AGBL4: variants seen among roughly 807,000 people sequenced by gnomAD.
The protein encoded by AGBL4 is cytosolic carboxypeptidase 6.
A neutral mutation model predicts 66.4 loss-of-function variants in AGBL4; 58 were observed. The ratio of observed to expected loss-of-function variants is 0.87; its 90% CI spans 0.71 to 1.09. AGBL4 has a LOEUF of 1.09. AGBL4 is among the 50% of genes least tolerant of loss of function. AGBL4 has a pLI of 0.00. For synonymous variants in AGBL4, 234 were observed against 222.9 expected (o/e 1.05, Z -0.44); for missense variants, 579 against 631.0 (o/e 0.92, Z 0.88).
At chr1:49,925,049 C>CA (rs1241479925) in intron 1 of AGBL4, among the ~76,000 whole-genome samples, 2 of 152,208 alleles carry the variant, frequency 1.3e-5, no homozygotes, top group African/African-American at 4.8e-5. Flanking sequence ...AGTGAAACAC[C>CA]AGCGAGGTGG....
intron 4 of AGBL4, among the ~76,000 whole-genome samples, chr1:49,163,637 T>C (rs1293564496): frequency 2.6e-5 from 4 of 152,192 alleles, no homozygotes; most frequent in Non-Finnish European, 4.4e-5. Flanking sequence ...TAAACGTCTG[T>C]TGATGTATGA....
intron 3 of AGBL4, among the ~76,000 whole-genome samples, chr1:49,659,136 C>T (rs1233496132): frequency 6.6e-6 from 1 of 152,046 alleles, no homozygotes; most frequent in East Asian, 1.9e-4. Context: ...CACCACTAGG[C>T]CTGCCTTGCA....
chr1:48,738,461 C>T (rs1345252729), intron 6 of AGBL4, among the ~76,000 whole-genome samples: 2 of 152,206 alleles, frequency 1.3e-5, no homozygotes, highest in Non-Finnish European at 2.9e-5. Context: ...GGCCTTTTCT[C>T]CGCAGTTCGA....
intron 3 of AGBL4, among the ~76,000 whole-genome samples, chr1:49,695,754 A>G (rs926856461): frequency 1.3e-5 from 2 of 152,160 alleles, no homozygotes; most frequent in Admixed American, 6.6e-5. Context: ...ACTCTTCCCT[A>G]GATTTGATTC....
At chr1:49,096,266 T>G (rs1645099957) in intron 4 of AGBL4, among the ~76,000 whole-genome samples, 1 of 152,124 alleles carries the variant, frequency 6.6e-6, no homozygotes, top group African/African-American at 2.4e-5. Context: ...TCAACCATTG[T>G]GGAAGTCAGT....
chr1:50,011,364 T>C (rs759217736), intron 1 of AGBL4, among the ~76,000 whole-genome samples: 3 of 152,178 alleles, frequency 2.0e-5, no homozygotes, highest in Admixed American at 6.5e-5. Flanking sequence ...AAATGTCTTA[T>C]GTCAAAGACA....
chr1:49,993,863 T>C (rs1159634885), intron 1 of AGBL4, among the ~76,000 whole-genome samples: 1 of 152,314 alleles, frequency 6.6e-6, no homozygotes, highest in East Asian at 1.9e-4. Flanking sequence ...TGTAAACTCC[T>C]GGGATTTTTA....
chr1:48,775,149 C>T (rs1233658667), intron 6 of AGBL4, among the ~76,000 whole-genome samples: 1 of 152,188 alleles, frequency 6.6e-6, no homozygotes, highest in African/African-American at 2.4e-5. Flanking sequence ...GCTTCCCCTC[C>T]CTCAGTTTCT....
chr1:49,119,905 A>T (rs575477627), intron 4 of AGBL4, among the ~76,000 whole-genome samples: 1 of 152,222 alleles, frequency 6.6e-6, no homozygotes, highest in South Asian at 2.1e-4. Flanking sequence ...AGCTCTTCTT[A>T]TTGAATTGAT....
intron 3 of AGBL4, among the ~76,000 whole-genome samples, chr1:49,350,690 T>C (rs546336524): frequency 3.3e-5 from 5 of 152,194 alleles, no homozygotes; most frequent in East Asian, 1.9e-4. Context: ...TTCTGAGATT[T>C]TGATGCACCC....
intron 3 of AGBL4, among the ~76,000 whole-genome samples, chr1:49,568,487 T>TCACACACACACACACACACA (rs71059555): frequency 1.7e-4 from 22 of 131,280 alleles, no homozygotes; most frequent in Non-Finnish European, 1.6e-4. Flanking sequence ...AAATAAGTGA[T>TCACACACACACACACACACA]CACACACACA....
At chr1:49,580,362 A>G (rs1365585726) in intron 3 of AGBL4, among the ~76,000 whole-genome samples, 2 of 152,166 alleles carry the variant, frequency 1.3e-5, no homozygotes, top group African/African-American at 4.8e-5. Flanking sequence ...TGTTGTTAAT[A>G]GTTTACTAGT....
At chr1:49,341,962 C>T (rs1645547973) in intron 3 of AGBL4, among the ~76,000 whole-genome samples, 1 of 152,094 alleles carries the variant, frequency 6.6e-6, no homozygotes, top group Non-Finnish European at 1.5e-5. Flanking sequence ...AATAGACATC[C>T]ATGGGGGACA....
intron 3 of AGBL4, among the ~76,000 whole-genome samples, chr1:49,452,015 A>G (rs1646288019): frequency 6.6e-6 from 1 of 151,924 alleles, no homozygotes; most frequent in Admixed American, 6.6e-5. Context: ...CTTTTGCCCA[A>G]TACTAAACCT....
chr1:48,961,508 T>G (rs1482541530), intron 5 of AGBL4, among the ~76,000 whole-genome samples: 1 of 152,036 alleles, frequency 6.6e-6, no homozygotes, highest in East Asian at 1.9e-4. Flanking sequence ...GGGAAAACTG[T>G]GTGTTGGCGC....
chr1:49,001,744 T>C (rs1661410105), intron 5 of AGBL4, among the ~76,000 whole-genome samples: 1 of 152,210 alleles, frequency 6.6e-6, no homozygotes, highest in Non-Finnish European at 1.5e-5. Flanking sequence ...ACAGAGAAAG[T>C]TCTTAAATTT....
chr1:49,166,957 G>A (rs1380149687), intron 4 of AGBL4, among the ~76,000 whole-genome samples: 1 of 152,028 alleles, frequency 6.6e-6, no homozygotes, highest in African/African-American at 2.4e-5. Context: ...CACATTAATA[G>A]CCCTTTCAAT....
chr1:49,054,718 A>C (rs1644279676), intron 4 of AGBL4, among the ~76,000 whole-genome samples: 1 of 152,016 alleles, frequency 6.6e-6, no homozygotes, highest in Non-Finnish European at 1.5e-5. Context: ...GTTTTCATAA[A>C]GTTTTAGAAA....
intron 5 of AGBL4, among the ~76,000 whole-genome samples, chr1:48,973,972 TC>T (rs1659115543): frequency 6.6e-6 from 1 of 152,082 alleles, no homozygotes; most frequent in African/African-American, 2.4e-5. Flanking sequence ...TCTCAGTACA[TC>T]ACAGACTGGA....
Sources: gnomAD v4.1 joint callset for allele counts (sites outside exome capture counted in the v4.1 genomes callset) on GRCh38, gnomAD v4.1.1 for gene constraint, MANE v1.5 for transcripts, NCBI Gene and HGNC (gene_info 2026-07-23, HGNC 2026-07-21) for gene names.